Variants in PROM1 observed in about 807,000 individuals in gnomAD.
PROM1 encodes the protein prominin-1.
In PROM1, 105 loss-of-function variants were observed where a neutral mutation model predicts 116.9. The ratio of observed to expected loss-of-function variants is 0.90; its 90% CI spans 0.77 to 1.06. The LOEUF (loss-of-function observed/expected upper bound fraction) is 1.06, where lower values mean the gene tolerates loss of function less well. Ranked by LOEUF, PROM1 falls within the 50% of genes least tolerant of loss-of-function variation. The pLI is 0.00. For synonymous variants in PROM1, 393 were observed against 387.0 expected, an observed-to-expected ratio of 1.02 and a Z score of -0.18; for missense variants, 1,122 against 1,045.2, an observed-to-expected ratio of 1.07 and a Z score of -1.01.
chr4:16,065,504 C>A (rs1741318258), intron 2 of PROM1, among the ~76,000 whole-genome samples: 1 of 152,174 alleles, frequency 6.6e-6, no homozygotes, highest in African/African-American at 2.4e-5. Context: ...GACTAGCCTG[C>A]CCTGTGCTAC....
intron 2 of PROM1, 150 bp downstream of exon 2, chr4:16,075,537 T>A (rs2149584579): frequency 1.3e-6 from 1 of 758,248 alleles, no homozygotes; most frequent in South Asian, 2.6e-5. Context: ...GTACAAGTCT[T>A]CTTAACTTCT....
At chr4:16,083,860 G>A (rs1476200885) in intron 1 of PROM1, 118 bp downstream of exon 1, 1 of 152,234 alleles carries the variant, frequency 6.6e-6, no homozygotes, top group Non-Finnish European at 1.5e-5. Flanking sequence ...CTCGGACGTG[G>A]CGGGAGGCAG....
At chr4:15,989,657 G>T in intron 19 of PROM1, 75 bp downstream of exon 19, 1 of 1,239,184 alleles carries the variant, frequency 8.1e-7, no homozygotes, top group Non-Finnish European at 1.2e-6. Context: ...GTGTCGTGAG[G>T]CTAAATGAAA....
intron 2 of PROM1, among the ~76,000 whole-genome samples, chr4:16,053,356 GCTAA>G (rs1254186614): frequency 2.0e-5 from 3 of 152,196 alleles, no homozygotes; most frequent in Non-Finnish European, 2.9e-5. Context: ...CAGTTAACCA[GCTAA>G]CTAATTTTCC....
At chr4:16,066,397 T>C (rs1741539942) in intron 2 of PROM1, among the ~76,000 whole-genome samples, 1 of 152,206 alleles carries the variant, frequency 6.6e-6, no homozygotes, top group Non-Finnish European at 1.5e-5. Context: ...TAAGATGACC[T>C]GAAAAGCAGG....
In PROM1 at chr4:16,039,005, G is replaced by GA. The variant is rs749014145; in HGVS notation, c.221-5dup. Reference sequence around the variant, plus strand: ...TGTAAGAATTTTCTCAAAGTATCTGGAAAAAAAGCCACAAAATAGCAATAT... The same window carrying GA: ...TGTAAGAATTTTCTCAAAGTATCTGGAAAAAAAAGCCACAAAATAGCAATAT... On this transcript the variant is annotated splice_polypyrimidine_tract_variant and splice_region_variant and intron_variant, in intron 2 of 27. Coordinates refer to ENST00000447510, the MANE Select transcript of PROM1 (RefSeq NM_006017.3). The GA allele has an allele frequency of 4.1e-6, 6 of 1,476,008 alleles. No homozygotes were observed. Among genetic ancestry groups the GA allele is most frequent in the Admixed American group, 2.4e-5 (1 of 41,908 alleles). The allele number at this position is 1,476,008 out of a possible 1,614,324, so 91.4% of individuals were successfully genotyped here.
At chr4:16,021,098 C>CA (rs34850856) in intron 8 of PROM1, among the ~76,000 whole-genome samples, 24,094 of 129,948 alleles carry the variant, frequency 0.19, 2,735 homozygotes, top group East Asian at 0.39. Flanking sequence ...CATTTTTAGC[C>CA]AAAAAAAAAA....
intron 2 of PROM1, among the ~76,000 whole-genome samples, chr4:16,061,866 T>G (rs1463917512): frequency 3.3e-5 from 5 of 150,236 alleles, no homozygotes; most frequent in Non-Finnish European, 5.9e-5. Context: ...ATTCTCCCTG[T>G]GTGTGTGTGT....
intron 5 of PROM1, among the ~76,000 whole-genome samples, chr4:16,030,763 T>C (rs909883730): frequency 1.3e-5 from 2 of 152,148 alleles, no homozygotes; most frequent in African/African-American, 4.8e-5. Context: ...CCCATTGTAG[T>C]GGCTAGGCAC....
At chr4:16,005,697 A>G (rs78269323) in intron 13 of PROM1, among the ~76,000 whole-genome samples, 1,712 of 152,248 alleles carry the variant, frequency 0.011, 29 homozygotes, top group African/African-American at 0.039. Flanking sequence ...TCACTCCCCA[A>G]AGGAATTGTT....
At chr4:15,973,963 G>A (rs999232704) in intron 26 of PROM1, among the ~76,000 whole-genome samples, 6 of 152,152 alleles carry the variant, frequency 3.9e-5, no homozygotes, top group African/African-American at 1.4e-4. Context: ...GGTTCCTGGG[G>A]CTGCTGGACC....
intron 19 of PROM1, 31 bp from the exon 20 acceptor site, chr4:15,987,747 T>G (rs966766755): frequency 6.3e-7 from 1 of 1,585,012 alleles, no homozygotes; most frequent in African/African-American, 1.3e-5. Flanking sequence ...TTTCCAAAAT[T>G]ATTACATGAA....
At chr4:16,034,767 C>T (rs1209344185) in intron 4 of PROM1, among the ~76,000 whole-genome samples, 6 of 152,182 alleles carry the variant, frequency 3.9e-5, no homozygotes, top group African/African-American at 1.4e-4. Flanking sequence ...AAATAAAACA[C>T]GAGTCTTGTT....
At chr4:16,059,618 C>T (rs1273601808) in intron 2 of PROM1, among the ~76,000 whole-genome samples, 2 of 151,996 alleles carry the variant, frequency 1.3e-5, no homozygotes, top group Non-Finnish European at 1.5e-5. Context: ...GTGGGAGGAT[C>T]GCCTAAGCCC....
At chr4:16,058,491 A>G (rs1739544799) in intron 2 of PROM1, among the ~76,000 whole-genome samples, 1 of 152,068 alleles carries the variant, frequency 6.6e-6, no homozygotes, top group South Asian at 2.1e-4. Flanking sequence ...CTACAGAAAT[A>G]CAAAAATTAG....
chr4:16,037,659 A>G (rs1560542731), intron 3 of PROM1, among the ~76,000 whole-genome samples: 1 of 152,220 alleles, frequency 6.6e-6, no homozygotes, highest in Non-Finnish European at 1.5e-5. Context: ...CCGCCTTCAA[A>G]CCAGGAAAGG....
chr4:16,018,430 G>T lies in PROM1; in HGVS notation c.895C>A (p.Arg299=), dbSNP rs200809630. Residue 299 remains arginine (R), a synonymous_variant, in exon 9 of 28, where the codon CGG becomes AGG. Coordinates refer to ENST00000447510, the MANE Select transcript of PROM1 (RefSeq NM_006017.3). ...CACAGAGGGTCATTGAGAGATGACC[G>T]CAGGCTAGTTTTCACGCTGGTCAGA... ...SSLTSVKTSL[R]SSLNDPLCLV... is the part of the protein sequence containing the mutation. 1.2e-6 allele frequency: 2 copies of T among 1,613,760 alleles called. No homozygotes were observed. The highest frequency in any genetic ancestry group is 1.7e-4 in the Middle Eastern group (1 of 5,926).
chr4:16,020,502 A>ACAGAAATACAC (rs943828975), intron 8 of PROM1, among the ~76,000 whole-genome samples: 6 of 152,188 alleles, frequency 3.9e-5, no homozygotes, highest in Admixed American at 6.5e-5. Context: ...CCAGAAATAC[A>ACAGAAATACAC]CAGAAATACA....
intron 5 of PROM1, among the ~76,000 whole-genome samples, chr4:16,031,717 T>C (rs536311808): frequency 1.3e-5 from 2 of 152,216 alleles, no homozygotes; most frequent in Admixed American, 6.5e-5. Flanking sequence ...CCCAATGTCA[T>C]GGAGACAAAA....
Sources: allele counts gnomAD v4.1 joint callset (sites outside exome capture counted in the v4.1 genomes callset), GRCh38; gene constraint gnomAD v4.1.1; transcripts MANE v1.5; gene names NCBI Gene and HGNC (gene_info 2026-07-23, HGNC 2026-07-21).